The following PPID variants were observed in gnomAD, a reference collection of about 807,000 sequenced individuals.
PPID encodes the protein peptidyl-prolyl cis-trans isomerase D.
Under a neutral mutation model 48.1 loss-of-function variants are expected in PPID, and 47 were observed. The ratio of observed to expected loss-of-function variants is 0.98; its 90% CI spans 0.77 to 1.25. The LOEUF (loss-of-function observed/expected upper bound fraction) is 1.25. Among genes scored for constraint, PPID ranks in the 50% most tolerant of loss-of-function variants. The pLI, the probability that PPID is intolerant of heterozygous loss-of-function variation, is 0.00. For synonymous variants in PPID, 163 were observed against 148.8 expected, an observed-to-expected ratio of 1.10 and a Z score of -0.69; for missense variants, 429 against 443.5, an observed-to-expected ratio of 0.97 and a Z score of 0.29.
At chr4:158,714,094 C>G (rs890340521) in intron 6 of PPID, among the ~76,000 whole-genome samples, 1 of 152,126 alleles carries the variant, frequency 6.6e-6, no homozygotes, top group African/African-American at 2.4e-5. Context: ...GAGGCTCTTG[C>G]AAACAGAAGA....
intron 3 of PPID, among the ~76,000 whole-genome samples, chr4:158,718,493 T>C (rs1237375422): frequency 6.6e-6 from 1 of 152,242 alleles, no homozygotes; most frequent in Non-Finnish European, 1.5e-5. Context: ...ATCTTGTCTC[T>C]GAGGTAGGAT....
Position 158,713,271 on chromosome 4 carries a change from C to T in PPID, c.753-11G>A, listed in dbSNP as rs766204467. The T allele has an allele frequency of 1.9e-6, 3 of 1,591,818 alleles. No homozygotes were observed. Among genetic ancestry groups the T allele is most frequent in the Non-Finnish European group, 2.6e-6 (3 of 1,170,634 alleles). ...GAACTGTCCACGTATCTGCAGAATG[C>T]ATTAATAAAAGCAGTATGAAAGACC... is the stretch of plus-strand genomic sequence containing the variant. On this transcript the variant is annotated splice_polypyrimidine_tract_variant and intron_variant, in intron 6 of 9. Coordinates refer to ENST00000307720, the MANE Select transcript of PPID (RefSeq NM_005038.3).
chr4:158,717,236 G>C, intron 3 of PPID, 36 bp from the exon 4 acceptor site: 1 of 1,565,564 alleles, frequency 6.4e-7, no homozygotes, highest in Non-Finnish European at 8.7e-7. Flanking sequence ...ACCAAGGTTA[G>C]ATGTGTTCTT....
Position 158,717,178 on chromosome 4 carries a change from C to T in PPID, c.356G>A (p.Ser119Asn). 1 of 1,613,526 alleles carries T rather than the reference C, an allele frequency of 6.2e-7. No homozygotes were observed. Among genetic ancestry groups the T allele is most frequent in the Non-Finnish European group, 8.5e-7 (1 of 1,179,838 alleles). The change falls in exon 4 of 10, where the codon AGC (serine) becomes AAC (asparagine). Residue 119 changes from serine to asparagine, a missense_variant. Physicochemically the swap from Ser to Asn is conservative, Grantham distance 46 (BLOSUM62 1). Coordinates refer to ENST00000307720, the MANE Select transcript of PPID (RefSeq NM_005038.3). ...HYKHDREGLL[S>N]MANAGRNTNG... ...TGTGTTGCGGCCTGCATTTGCCATGCTCAGTAAACCCTCCCGATCATGCTG... is the reference window on the plus strand; with the variant it reads ...TGTGTTGCGGCCTGCATTTGCCATGTTCAGTAAACCCTCCCGATCATGCTG...
intron 1 of PPID, among the ~76,000 whole-genome samples, chr4:158,722,127 T>C (rs1774972665): frequency 6.6e-6 from 1 of 152,250 alleles, no homozygotes; most frequent in Admixed American, 6.5e-5. Context: ...GTCTACCTAC[T>C]GTCATGTATG....
At position 158,716,996 on chromosome 4, in the gene PPID, G is replaced by C; in HGVS notation, c.522+16C>G. On this transcript the variant is annotated intron_variant, in intron 4 of 9. Coordinates refer to ENST00000307720, the MANE Select transcript of PPID (RefSeq NM_005038.3). ...ACTAAGATAATAAGTGTATTTCACT[G>C]TAACTTTTTACTTACTTTAGCAGGT... is the stretch of plus-strand genomic sequence containing the variant. 6.3e-7 allele frequency: 1 copy of C among 1,596,932 alleles called. No individual in the cohort carries two copies. The highest frequency in any genetic ancestry group is 8.6e-7 in the Non-Finnish European group (1 of 1,164,898).
chr4:158,719,984 C>T (rs1352970618), intron 2 of PPID, among the ~76,000 whole-genome samples: 1 of 152,144 alleles, frequency 6.6e-6, no homozygotes, highest in African/African-American at 2.4e-5. Context: ...TGAAGTGCTA[C>T]AGAACACACA....
At chr4:158,719,740 A>G (rs1325514739) in intron 2 of PPID, among the ~76,000 whole-genome samples, 1 of 152,228 alleles carries the variant, frequency 6.6e-6, no homozygotes, top group African/African-American at 2.4e-5. Flanking sequence ...TGCTGAATAC[A>G]GACCAATGAT....
intron 6 of PPID, among the ~76,000 whole-genome samples, chr4:158,714,315 G>T (rs1356840021): frequency 6.6e-6 from 1 of 152,184 alleles, no homozygotes; most frequent in Non-Finnish European, 1.5e-5. Flanking sequence ...AAAGCGAAAT[G>T]TGTCTTCAGG....
chr4:158,716,081 GTTTTTCTT>G (rs897603110), intron 4 of PPID, among the ~76,000 whole-genome samples: 3 of 151,104 alleles, frequency 2.0e-5, no homozygotes, highest in East Asian at 1.9e-4. Flanking sequence ...TCGTTTAGGG[GTTTTTCTT>G]TTTTTCTTTT....
intron 3 of PPID, among the ~76,000 whole-genome samples, chr4:158,718,680 C>A (rs1334289391): frequency 2.0e-5 from 3 of 152,196 alleles, no homozygotes. Context: ...CATGTCCATT[C>A]TTATAACTTG....
At chr4:158,723,094 G>A in intron 1 of PPID, 110 bp downstream of exon 1, 3 of 1,135,364 alleles carry the variant, frequency 2.6e-6, no homozygotes, top group Admixed American at 2.0e-5. Flanking sequence ...CATCCCCTCC[G>A]CGAAACTGAG....
In PPID at chr4:158,717,161, G is replaced by A. The variant is rs781184174; in HGVS notation, c.373C>T (p.Arg125Cys). The change falls in exon 4 of 10, where the codon CGC (arginine) becomes TGC (cysteine). Residue 125 changes from arginine to cysteine, a missense_variant. Transcript: ENST00000307720. ...EGLLSMANAG[R>C]NTNGSQFFIT... Reference sequence around the variant, plus strand: ...AAAAACTGAGAACCGTTTGTGTTGCGGCCTGCATTTGCCATGCTCAGTAAA... The same window carrying A: ...AAAAACTGAGAACCGTTTGTGTTGCAGCCTGCATTTGCCATGCTCAGTAAA... 3.3e-5 allele frequency: 54 copies of A among 1,613,852 alleles called. No individual in the cohort carries two copies. The highest frequency in any genetic ancestry group is 1.0e-4 in the Admixed American group (6 of 59,960).
intron 3 of PPID, 56 bp downstream of exon 3, chr4:158,719,124 T>A (rs1774915271): frequency 8.4e-7 from 1 of 1,183,846 alleles, no homozygotes; most frequent in South Asian, 1.3e-5. Flanking sequence ...CCAACAAGTA[T>A]TCCAGATATA....
At chr4:158,713,701 TTCTTTC>T (rs1027704528) in intron 6 of PPID, among the ~76,000 whole-genome samples, 14 of 152,292 alleles carry the variant, frequency 9.2e-5, no homozygotes, top group South Asian at 2.1e-4. Context: ...TTCTAAAGTT[TTCTTTC>T]TCTAAAAGAA....
chr4:158,715,614 G>C lies in PPID; in HGVS notation c.593C>G (p.Ser198Cys), dbSNP rs760519600. 3.1e-6 allele frequency: 5 copies of C among 1,613,450 alleles called. No individual in the cohort carries two copies. In the African/African-American group the frequency reaches 4.0e-5, roughly 13 times the overall value. ...AGGGAAATCTGGATGACTGTCGCCA[G>C]AGCCATCTTTTGGGAATATTCCCCC... ...DDGGIFPKDG[S>C]GDSHPDFPED... is the part of the protein sequence containing the mutation. The change falls in exon 5 of 10, where the codon TCT (serine) becomes TGT (cysteine). Residue 198 changes from serine (S) to cysteine (C), a missense_variant. By Grantham distance (112) the Ser-to-Cys change is moderately radical (BLOSUM62 -1). Coordinates refer to ENST00000307720, the MANE Select transcript of PPID (RefSeq NM_005038.3).
Position 158,723,360 on chromosome 4 carries a change from A to C in PPID, c.-72T>G, listed in dbSNP as rs17843880. 1.8e-4 allele frequency: 258 copies of C among 1,461,030 alleles called. 1 individual carries two copies. The African/African-American group carries it at 2.8e-3, about 16-fold the overall frequency. The allele number at this position is 1,461,030 out of a possible 1,614,324, so 90.5% of individuals were successfully genotyped here. ...GCCGCCCGGGCCGCCCAAACTCCAG[A>C]GTCCGTCTCCGCCGGAGACCGGCAG... On this transcript the variant is annotated 5_prime_UTR_variant, in exon 1 of 10. Transcript: ENST00000307720.
chr4:158,717,591 G>A lies in PPID; in HGVS notation c.334-391C>T, dbSNP rs80258049. Among the ~76,000 whole-genome samples, 1,142 of 152,220 alleles carry A rather than the reference G, an allele frequency of 7.5e-3. 12 individuals carry two copies. Among genetic ancestry groups the A allele is most frequent in the Middle Eastern group, 0.024 (7 of 294 alleles). On this transcript the variant is annotated intron_variant, in intron 3 of 9. Coordinates refer to ENST00000307720, the MANE Select transcript of PPID (RefSeq NM_005038.3). ...ATATTTTGCCCTCTTTATGATGAAT[G>A]CTCTTTTTTTCTGGGAAGACCTGAA...
rs558114749 is a variant in PPID, at chr4:158,713,560, G to T, written c.753-300C>A. ...GTACTTTCCAACATAATTATGTTTG[G>T]AACCAGGATTCTCATAATAGGAGAA... is the stretch of plus-strand genomic sequence containing the variant. On this transcript the variant is annotated intron_variant, in intron 6 of 9. Coordinates refer to ENST00000307720, the MANE Select transcript of PPID (RefSeq NM_005038.3). Among the ~76,000 whole-genome samples the T allele has an allele frequency of 1.1e-4, 16 of 152,198 alleles. 1 individual carries two copies. Among genetic ancestry groups the T allele is most frequent in the Middle Eastern group, 3.4e-3 (1 of 294 alleles).
Sources: allele counts gnomAD v4.1 joint callset (sites outside exome capture counted in the v4.1 genomes callset), GRCh38; gene constraint gnomAD v4.1.1; transcripts MANE v1.5; gene names NCBI Gene and HGNC (gene_info 2026-07-23, HGNC 2026-07-21).